The following FGGY variants were observed in gnomAD, a reference collection of about 807,000 sequenced individuals.
FGGY encodes FGGY carbohydrate kinase domain containing, also known as FGGY carbohydrate kinase domain-containing protein.
Under a neutral mutation model 71.3 loss-of-function variants are expected in FGGY, and 72 were observed. The ratio of observed to expected loss-of-function variants is 1.01; its 90% CI spans 0.84 to 1.23. FGGY has a LOEUF of 1.23. FGGY is among the 50% of genes most tolerant of loss of function. The probability of loss-of-function intolerance (pLI) is 0.00; values close to 1 mark genes in which losing one functional copy is unlikely to be tolerated. For synonymous variants in FGGY, 251 were observed against 250.3 expected, an observed-to-expected ratio of 1.00 and a Z score of -0.02; for missense variants, 668 against 682.3, an observed-to-expected ratio of 0.98 and a Z score of 0.23.
At chr1:59,627,487 TATAC>T (rs1454093955) in intron 10 of FGGY, among the ~76,000 whole-genome samples, 1,841 of 109,328 alleles carry the variant, frequency 0.017, 22 homozygotes, top group African/African-American at 0.067. Context: ...TATATATATA[TATAC>T]ACACACACAC....
intron 6 of FGGY, among the ~76,000 whole-genome samples, chr1:59,468,970 A>C (rs751347217): frequency 4.6e-5 from 7 of 152,106 alleles, no homozygotes; most frequent in African/African-American, 7.2e-5. Context: ...ACCTCAGGCA[A>C]GGGTGCAGTA....
At chr1:59,429,193 C>T (rs550692566) in intron 5 of FGGY, among the ~76,000 whole-genome samples, 6 of 150,540 alleles carry the variant, frequency 4.0e-5, no homozygotes, top group South Asian at 4.2e-4. Flanking sequence ...TGGGAGTTGA[C>T]GTTTAGCAAA....
chr1:59,613,391 A>G (rs1354879604), intron 9 of FGGY, among the ~76,000 whole-genome samples: 2 of 152,254 alleles, frequency 1.3e-5, no homozygotes, highest in African/African-American at 4.8e-5. Context: ...CTGCTCCTGA[A>G]TGACTACTGG....
At chr1:59,723,308 T>C (rs2097912866) in intron 14 of FGGY, among the ~76,000 whole-genome samples, 1 of 152,204 alleles carries the variant, frequency 6.6e-6, no homozygotes, top group Non-Finnish European at 1.5e-5. Context: ...AAACATGAAT[T>C]CACACTGGTT....
intron 14 of FGGY, among the ~76,000 whole-genome samples, chr1:59,726,163 T>C (rs186580148): frequency 6.6e-6 from 1 of 152,290 alleles, no homozygotes; most frequent in African/African-American, 2.4e-5. Flanking sequence ...TTGAAATATT[T>C]CTCCTTCATT....
chr1:59,372,521 T>C (rs2057858944), intron 4 of FGGY, among the ~76,000 whole-genome samples: 1 of 152,034 alleles, frequency 6.6e-6, no homozygotes, highest in Admixed American at 6.5e-5. Context: ...ACTATTCCAA[T>C]CAATAGAAAA....
rs186004390 is a variant in FGGY at position 59,587,580 on chromosome 1, G to A, written c.904-20223G>A. Among the ~76,000 whole-genome samples the A allele has an allele frequency of 3.0e-3, 453 of 152,220 alleles. 1 individual carries two copies. Among genetic ancestry groups the A allele is most frequent in the Middle Eastern group, 6.8e-3 (2 of 294 alleles). On this transcript the variant is annotated intron_variant, in intron 8 of 15. Coordinates refer to ENST00000303721, the MANE Select transcript of FGGY (RefSeq NM_018291.5). ...GCAGACTGACACCTCACACGGCCGG[G>A]TACTCCTCTGAGACAAAACTTCCAG...
intron 5 of FGGY, among the ~76,000 whole-genome samples, chr1:59,433,074 G>A (rs1003674811): frequency 3.3e-5 from 5 of 152,180 alleles, no homozygotes; most frequent in African/African-American, 7.2e-5. Flanking sequence ...AAGGCTGGGC[G>A]TATCCATCAG....
intron 5 of FGGY, among the ~76,000 whole-genome samples, chr1:59,423,533 G>C (rs186776893): frequency 6.6e-6 from 1 of 152,244 alleles, no homozygotes; most frequent in East Asian, 1.9e-4. Context: ...TCTGCAGCCT[G>C]TCCTCTGCTT....
chr1:59,555,295 C>T (rs2095667797), intron 8 of FGGY, among the ~76,000 whole-genome samples: 1 of 152,186 alleles, frequency 6.6e-6, no homozygotes, highest in Admixed American at 6.5e-5. Context: ...GGTATTCTTG[C>T]ACATGGCATC....
intron 9 of FGGY, among the ~76,000 whole-genome samples, chr1:59,609,962 C>G (rs2096658490): frequency 6.6e-6 from 1 of 152,168 alleles, no homozygotes; most frequent in African/African-American, 2.4e-5. Context: ...GTCTCAGTAA[C>G]CAGTGCTAGA....
At chr1:59,483,961 T>C (rs1343872434) in intron 6 of FGGY, among the ~76,000 whole-genome samples, 3 of 152,144 alleles carry the variant, frequency 2.0e-5, no homozygotes, top group Non-Finnish European at 4.4e-5. Context: ...AAGGAAATAG[T>C]GTACTGATAA....
rs189405738 is a variant in FGGY, at chr1:59,563,081, C to G, written c.903+8854C>G. Among the ~76,000 whole-genome samples the G allele has an allele frequency of 8.5e-5, 13 of 152,082 alleles. No homozygotes were observed. The East Asian group carries it at 1.5e-3, about 18-fold the overall frequency. ...ACTTCCTCTCTTCTTATTTGAATAC[C>G]CTTTATTTCTTTCTCTTGCCTGATT... On this transcript the variant is annotated intron_variant, in intron 8 of 15. Transcript: ENST00000303721.
intron 6 of FGGY, among the ~76,000 whole-genome samples, chr1:59,475,248 A>G (rs1020559801): frequency 1.3e-5 from 2 of 152,230 alleles, no homozygotes; most frequent in African/African-American, 4.8e-5. Flanking sequence ...TTTCATAATC[A>G]CAAACCTTCC....
chr1:59,516,980 G>A (rs1178357132), intron 7 of FGGY, among the ~76,000 whole-genome samples: 1 of 152,130 alleles, frequency 6.6e-6, no homozygotes, highest in East Asian at 1.9e-4. Flanking sequence ...AGAGGAGGAA[G>A]GGCTTTGTGG....
chr1:59,422,112 G>C (rs61789976), intron 5 of FGGY, among the ~76,000 whole-genome samples: 26,190 of 152,130 alleles, frequency 0.17, 2,761 homozygotes, highest in East Asian at 0.36. Flanking sequence ...GAATCACCTG[G>C]AGAGATTTTC....
rs2063314727 is a variant in FGGY, at chr1:59,409,624, A to G, written c.554+30787A>G. ...TATATATATATATATATATATATAT[A>G]AACAGACAAGGCAACTAAAGCTCTG... On this transcript the variant is annotated intron_variant, in intron 5 of 15. Coordinates refer to ENST00000303721, the MANE Select transcript of FGGY (RefSeq NM_018291.5). Among the ~76,000 whole-genome samples the G allele has an allele frequency of 2.7e-5, 4 of 150,100 alleles. No individual in the cohort carries two copies. In the South Asian group the frequency reaches 8.3e-4, roughly 31 times the overall value.
At chr1:59,422,756 TA>T (rs2065680769) in intron 5 of FGGY, among the ~76,000 whole-genome samples, 1 of 151,370 alleles carries the variant, frequency 6.6e-6, no homozygotes, top group South Asian at 2.1e-4. Context: ...AGTTATTATA[TA>T]AGCACTAGGT....
intron 7 of FGGY, among the ~76,000 whole-genome samples, chr1:59,516,006 G>A (rs1327702964): frequency 6.6e-6 from 1 of 152,136 alleles, no homozygotes; most frequent in Non-Finnish European, 1.5e-5. Flanking sequence ...GGCTGGGAAG[G>A]GCACAGGAAG....
Sources: allele counts gnomAD v4.1 joint callset (sites outside exome capture counted in the v4.1 genomes callset), GRCh38; gene constraint gnomAD v4.1.1; transcripts MANE v1.5; gene names NCBI Gene and HGNC (gene_info 2026-07-23, HGNC 2026-07-21).